The following VTI1A variants were observed in gnomAD, a reference collection of about 807,000 sequenced individuals.
VTI1A encodes the protein vesicle transport through interaction with t-SNAREs 1A, also known as vesicle transport through interaction with t-SNAREs homolog 1A.
A neutral mutation model predicts 34.9 loss-of-function variants in VTI1A; 22 were observed. The observed-to-expected ratio is 0.63, with a 90% CI of 0.45 to 0.90. VTI1A has a LOEUF of 0.90. Among genes scored for constraint, VTI1A ranks in the 40% least tolerant of loss-of-function variants. The pLI, the probability that VTI1A is intolerant of heterozygous loss-of-function variation, is 0.00. For synonymous variants in VTI1A, 87 were observed against 97.3 expected, an observed-to-expected ratio of 0.89 and a Z score of 0.62; for missense variants, 268 against 275.6, an observed-to-expected ratio of 0.97 and a Z score of 0.20.
chr10:112,623,640 G>A (rs1435593461), intron 5 of VTI1A, among the ~76,000 whole-genome samples: 1 of 151,970 alleles, frequency 6.6e-6, no homozygotes, highest in Non-Finnish European at 1.5e-5. Flanking sequence ...GGCTATAATC[G>A]AATCCTGCTT....
intron 7 of VTI1A, among the ~76,000 whole-genome samples, chr10:112,696,094 T>TTATATATATATATATATATATATATA: frequency 6.9e-6 from 1 of 145,170 alleles, no homozygotes; most frequent in South Asian, 2.2e-4. Flanking sequence ...GAGAGAATGA[T>TTATATATATATATATATATATATATA]TATATATATA....
chr10:112,654,773 G>A (rs1473451354), intron 5 of VTI1A, among the ~76,000 whole-genome samples: 3 of 152,090 alleles, frequency 2.0e-5, no homozygotes, highest in African/African-American at 4.8e-5. Context: ...GAGCCACCGC[G>A]CCCGGCCCCA....
At chr10:112,589,018 C>CTTTTTTTTTTTTTTTTTT (rs3057340) in intron 5 of VTI1A, among the ~76,000 whole-genome samples, 2 of 129,268 alleles carry the variant, frequency 1.5e-5, no homozygotes, top group Non-Finnish European at 1.6e-5. Flanking sequence ...GACTCCTTGT[C>CTTTTTTTTTTTTTTTTTT]TTTTTTTTTT....
intron 5 of VTI1A, among the ~76,000 whole-genome samples, chr10:112,578,805 G>A (rs951961658): frequency 1.3e-5 from 2 of 152,128 alleles, no homozygotes; most frequent in African/African-American, 2.4e-5. Flanking sequence ...TTGCATGATT[G>A]TAAGATGTGT....
intron 5 of VTI1A, among the ~76,000 whole-genome samples, chr10:112,635,292 A>G (rs982813726): frequency 2.1e-4 from 32 of 152,232 alleles, no homozygotes; most frequent in African/African-American, 7.2e-4. Flanking sequence ...GTAAAGGCAG[A>G]TGCAGAATTC....
At chr10:112,707,578 C>T (rs543088948) in intron 7 of VTI1A, among the ~76,000 whole-genome samples, 4 of 152,032 alleles carry the variant, frequency 2.6e-5, no homozygotes, top group Non-Finnish European at 2.9e-5. Context: ...GTGGTCTGCC[C>T]GCCTCTGCCT....
At chr10:112,769,911 A>T (rs1851754875) in intron 7 of VTI1A, among the ~76,000 whole-genome samples, 1 of 152,174 alleles carries the variant, frequency 6.6e-6, no homozygotes, top group South Asian at 2.1e-4. Flanking sequence ...CTGGAGAGGG[A>T]GTACCCTATC....
intron 5 of VTI1A, among the ~76,000 whole-genome samples, chr10:112,558,335 G>A (rs1433474870): frequency 6.6e-6 from 1 of 152,100 alleles, no homozygotes; most frequent in African/African-American, 2.4e-5. Flanking sequence ...AAAAAGTCAT[G>A]CCCTTTAATA....
chr10:112,494,963 G>A (rs192397457), intron 3 of VTI1A, among the ~76,000 whole-genome samples: 1 of 152,066 alleles, frequency 6.6e-6, no homozygotes, highest in African/African-American at 2.4e-5. Context: ...TTGAAAACAG[G>A]CTTGGGAAGC....
chr10:112,673,846 G>C (rs1359227062), intron 7 of VTI1A, among the ~76,000 whole-genome samples: 1 of 152,210 alleles, frequency 6.6e-6, no homozygotes, highest in Non-Finnish European at 1.5e-5. Flanking sequence ...GCCAATGCAA[G>C]ATCTGTAAGC....
At chr10:112,663,858 A>G (rs774736527) in intron 5 of VTI1A, among the ~76,000 whole-genome samples, 2 of 152,168 alleles carry the variant, frequency 1.3e-5, no homozygotes, top group African/African-American at 2.4e-5. Flanking sequence ...ATTGTTAGGA[A>G]ATATTACTTC....
chr10:112,698,378 G>T (rs1848870445), intron 7 of VTI1A, among the ~76,000 whole-genome samples: 1 of 152,080 alleles, frequency 6.6e-6, no homozygotes, highest in South Asian at 2.1e-4. Context: ...CCCTACATAT[G>T]GAGTGTACCC....
intron 7 of VTI1A, among the ~76,000 whole-genome samples, chr10:112,708,565 T>C (rs1849282664): frequency 6.6e-6 from 1 of 152,190 alleles, no homozygotes; most frequent in Non-Finnish European, 1.5e-5. Flanking sequence ...ATTCTTTTAG[T>C]TATTCTACTT....
At chr10:112,549,371 T>A (rs1220558777) in intron 5 of VTI1A, among the ~76,000 whole-genome samples, 2 of 152,214 alleles carry the variant, frequency 1.3e-5, no homozygotes, top group Non-Finnish European at 2.9e-5. Flanking sequence ...CTGGTCTGGG[T>A]TATCTGAGTA....
chr10:112,820,216 G>A (rs1327699973), downstream of VTI1A, among the ~76,000 whole-genome samples: 3 of 152,296 alleles, frequency 2.0e-5, no homozygotes, highest in Admixed American at 2.0e-4. Flanking sequence ...TGTCCCCCTT[G>A]GGATGGCCTT....
At chr10:112,498,802 A>G (rs984979341) in intron 3 of VTI1A, among the ~76,000 whole-genome samples, 1 of 152,120 alleles carries the variant, frequency 6.6e-6, no homozygotes, top group Non-Finnish European at 1.5e-5. Context: ...TTAGATGAAC[A>G]ATTTTCTTAG....
intron 3 of VTI1A, among the ~76,000 whole-genome samples, chr10:112,489,414 T>C (rs535899441): frequency 6.6e-6 from 1 of 152,220 alleles, no homozygotes; most frequent in Admixed American, 6.5e-5. Flanking sequence ...ATTCTTTGTG[T>C]ACTGCCAAAC....
intron 7 of VTI1A, among the ~76,000 whole-genome samples, chr10:112,806,096 C>T (rs867934468): frequency 1.3e-5 from 2 of 152,076 alleles, no homozygotes; most frequent in Admixed American, 6.6e-5. Context: ...GGATGTGGCT[C>T]CTCAGTTCCT....
chr10:112,527,215 T>A, intron 4 of VTI1A, 51 bp downstream of exon 4: 1 of 1,527,190 alleles, frequency 6.5e-7, no homozygotes, highest in Non-Finnish European at 9.1e-7. Flanking sequence ...GTGAAGGAGG[T>A]CACTGGCGCA....
Sources: gnomAD v4.1 joint callset for allele counts (sites outside exome capture counted in the v4.1 genomes callset) on GRCh38, gnomAD v4.1.1 for gene constraint, MANE v1.5 for transcripts, NCBI Gene and HGNC (gene_info 2026-07-23, HGNC 2026-07-21) for gene names.